The following IMMP1L variants were observed in gnomAD, a reference collection of about 807,000 sequenced individuals.
The protein encoded by IMMP1L is inner mitochondrial membrane peptidase subunit 1.
IMMP1L carries 24 observed loss-of-function variants against 21.8 expected under a neutral mutation model. That is an observed-to-expected ratio of 1.10 (90% CI 0.80 to 1.55). The LOEUF is 1.55. IMMP1L is among the 40% of genes most tolerant of loss of function. The pLI is 0.00. For missense variants in IMMP1L, 195 were observed against 200.7 expected, an observed-to-expected ratio of 0.97 and a Z score of 0.17; for synonymous variants, 46 against 62.8, an observed-to-expected ratio of 0.73 and a Z score of 1.26.
chr11:31,466,957 C>T (rs566285998), intron 1 of IMMP1L, among the ~76,000 whole-genome samples: 57 of 152,194 alleles, frequency 3.7e-4, no homozygotes, highest in Non-Finnish European at 6.3e-4. Flanking sequence ...GTGATGACTA[C>T]GCTAATTACC....
chr11:31,486,001 G>A (rs1206710315), intron 1 of IMMP1L, among the ~76,000 whole-genome samples: 2 of 150,778 alleles, frequency 1.3e-5, no homozygotes, highest in African/African-American at 4.9e-5. Flanking sequence ...TTTAGAAGAT[G>A]AACTGTGATA....
intron 2 of IMMP1L, among the ~76,000 whole-genome samples, chr11:31,462,302 C>A (rs1225489477): frequency 7.6e-6 from 1 of 130,762 alleles, no homozygotes; most frequent in Admixed American, 8.3e-5. Context: ...GGCAACAGAG[C>A]AAGACCCTGT....
intron 4 of IMMP1L, among the ~76,000 whole-genome samples, chr11:31,455,102 T>G (rs916678061): frequency 1.3e-5 from 2 of 152,200 alleles, no homozygotes; most frequent in African/African-American, 4.8e-5. Context: ...TCAAAAACAC[T>G]TGTACAGCTG....
At chr11:31,506,035 C>T (rs1955767116) in intron 1 of IMMP1L, among the ~76,000 whole-genome samples, 1 of 151,972 alleles carries the variant, frequency 6.6e-6, no homozygotes, top group African/African-American at 2.4e-5. Flanking sequence ...GGGTCGACAC[C>T]CCTGATCCGC....
intron 3 of IMMP1L, among the ~76,000 whole-genome samples, chr11:31,458,972 T>C (rs1954045572): frequency 6.6e-6 from 1 of 152,220 alleles, no homozygotes; most frequent in African/African-American, 2.4e-5. Context: ...ATTATGTCAC[T>C]GGCATGGAAC....
At chr11:31,496,624 T>C (rs1955445633) in intron 1 of IMMP1L, among the ~76,000 whole-genome samples, 1 of 151,668 alleles carries the variant, frequency 6.6e-6, no homozygotes, top group Non-Finnish European at 1.5e-5. Context: ...TATGTGTGTG[T>C]GTGTGTGTGT....
At chr11:31,475,792 G>A (rs1170774769) in intron 1 of IMMP1L, among the ~76,000 whole-genome samples, 2 of 152,068 alleles carry the variant, frequency 1.3e-5, no homozygotes, top group East Asian at 3.8e-4. Flanking sequence ...TATGTTTTAT[G>A]TTGAATTTAC....
At chr11:31,456,478 A>G in intron 3 of IMMP1L, 92 bp from the exon 4 acceptor site, 1 of 1,002,030 alleles carries the variant, frequency 1.0e-6, no homozygotes, top group Non-Finnish European at 1.5e-6. Flanking sequence ...AGACAACTTA[A>G]ACAAAGCCAT....
chr11:31,473,655 A>C, intron 1 of IMMP1L: 1 of 553,932 alleles, frequency 1.8e-6, no homozygotes, highest in Non-Finnish European at 2.3e-6. Context: ...CTCCATCTTT[A>C]GAAATTTCTG....
intron 1 of IMMP1L, among the ~76,000 whole-genome samples, chr11:31,508,078 G>A (rs1177943681): frequency 6.6e-6 from 1 of 152,118 alleles, no homozygotes; most frequent in Non-Finnish European, 1.5e-5. Flanking sequence ...CCGAGGTGGT[G>A]GGTTGATCTG....
At chr11:31,436,925 GT>G (rs1953142995) in intron 4 of IMMP1L, among the ~76,000 whole-genome samples, 1 of 152,138 alleles carries the variant, frequency 6.6e-6, no homozygotes, top group Non-Finnish European at 1.5e-5. Flanking sequence ...ATCCATACAT[GT>G]TAATGACCAT....
rs765479676 is a variant in IMMP1L at position 31,448,775 on chromosome 11, A to T, written c.321+7485T>A. On this transcript the variant is annotated intron_variant, in intron 4 of 5. Coordinates refer to ENST00000532287, the MANE Select transcript of IMMP1L (RefSeq NM_001304274.2). ...CATATTACTGTTAAACTAAGCTCAA[A>T]TTATTCTGAAAATATTCAGAGAACA... Among the ~76,000 whole-genome samples, 50 of 152,356 alleles carry T rather than the reference A, an allele frequency of 3.3e-4. No homozygotes were observed. The Middle Eastern group carries it at 0.01, about 31-fold the overall frequency.
intron 4 of IMMP1L, among the ~76,000 whole-genome samples, chr11:31,443,740 C>G (rs1301033923): frequency 6.6e-6 from 1 of 152,176 alleles, no homozygotes; most frequent in Non-Finnish European, 1.5e-5. Flanking sequence ...GCTGTCCTAT[C>G]TACATCATTG....
At chr11:31,488,017 C>A (rs1955139778) in intron 1 of IMMP1L, among the ~76,000 whole-genome samples, 1 of 152,100 alleles carries the variant, frequency 6.6e-6, no homozygotes, top group Admixed American at 6.6e-5. Flanking sequence ...CTATTAAGTG[C>A]CAACTTTACA....
At chr11:31,466,231 T>C (rs888556509) in intron 1 of IMMP1L, among the ~76,000 whole-genome samples, 2 of 151,886 alleles carry the variant, frequency 1.3e-5, no homozygotes, top group Admixed American at 1.3e-4. Context: ...CACAGTTAGA[T>C]TGATTATTAT....
intron 1 of IMMP1L, among the ~76,000 whole-genome samples, chr11:31,467,780 A>AT (rs34229840): frequency 0.12 from 16,804 of 143,500 alleles, 2,662 homozygotes; most frequent in African/African-American, 0.36. Context: ...AAAGTAGATA[A>AT]TTTTTTTTTT....
chr11:31,489,393 T>C (rs1955184268), intron 1 of IMMP1L, among the ~76,000 whole-genome samples: 1 of 152,198 alleles, frequency 6.6e-6, no homozygotes, highest in Non-Finnish European at 1.5e-5. Context: ...TAACATTTAC[T>C]TGAAATTTAA....
chr11:31,508,948 T>C (rs1024470507), intron 1 of IMMP1L, among the ~76,000 whole-genome samples: 11 of 152,226 alleles, frequency 7.2e-5, no homozygotes, highest in Non-Finnish European at 1.3e-4. Context: ...TAGCAGTTTT[T>C]TGGGGGAAAG....
intron 1 of IMMP1L, among the ~76,000 whole-genome samples, chr11:31,476,903 TTAAC>T (rs977616181): frequency 1.3e-5 from 2 of 152,052 alleles, no homozygotes; most frequent in Admixed American, 6.6e-5. Context: ...ACAAAATCAA[TTAAC>T]TAACTCACTG....
Sources: gnomAD v4.1 joint callset for allele counts (sites outside exome capture counted in the v4.1 genomes callset) on GRCh38, gnomAD v4.1.1 for gene constraint, MANE v1.5 for transcripts, NCBI Gene and HGNC (gene_info 2026-07-23, HGNC 2026-07-21) for gene names.